LRRTM3: variants seen among roughly 807,000 people sequenced by gnomAD.
LRRTM3 encodes leucine rich repeat transmembrane neuronal 3, also known as leucine-rich repeat transmembrane neuronal protein 3.
Under a neutral mutation model 44.7 loss-of-function variants are expected in LRRTM3, and 24 were observed. The ratio of observed to expected loss-of-function variants is 0.54; its 90% confidence interval spans 0.39 to 0.76. The LOEUF (loss-of-function observed/expected upper bound fraction) is 0.76, where lower values mean the gene tolerates loss of function less well. Ranked by LOEUF, LRRTM3 falls within the 30% of genes least tolerant of loss-of-function variation. The pLI is 0.00. For synonymous variants in LRRTM3, 277 were observed against 278.7 expected (o/e 0.99, Z 0.06); for missense variants, 587 against 702.2 (o/e 0.84, Z 1.85).
At chr10:67,074,552 A>G (rs933329373) in intron 2 of LRRTM3, among the ~76,000 whole-genome samples, 21 of 149,516 alleles carry the variant, frequency 1.4e-4, no homozygotes, top group African/African-American at 5.0e-4. Context: ...GGGTTTCACC[A>G]TGTTAGCCAG....
chr10:66,927,006 C>T lies in LRRTM3; in HGVS notation c.90C>T (p.Ala30=), dbSNP rs914562544. 1 of 1,614,018 alleles carries T rather than the reference C, an allele frequency of 6.2e-7. No homozygotes were observed. Among genetic ancestry groups the T allele is most frequent in the East Asian group, 2.2e-5 (1 of 44,866 alleles). ...PTVLLTMLSS[A]ERGCPKGCRC... ...TCTTACTGACAATGCTTTCTTCTGC[C>T]GAACGAGGATGCCCTAAGGGCTGTA... Residue 30 remains alanine, a synonymous_variant, in exon 2 of 3, where the codon GCC becomes GCT. Coordinates refer to ENST00000361320, the MANE Select transcript of LRRTM3 (RefSeq NM_178011.5). The surrounding 1 kb of genome is among the most constrained non-coding windows in gnomAD (Gnocchi z 4.7).
chr10:66,931,817 T>C (rs1177443889), intron 2 of LRRTM3, among the ~76,000 whole-genome samples: 1 of 152,128 alleles, frequency 6.6e-6, no homozygotes, highest in Non-Finnish European at 1.5e-5. Context: ...AAGCGAGTAA[T>C]AACGCAATAA....
chr10:67,051,059 G>A (rs1264905665), intron 2 of LRRTM3, among the ~76,000 whole-genome samples: 1 of 152,044 alleles, frequency 6.6e-6, no homozygotes, highest in Non-Finnish European at 1.5e-5. Context: ...TTACAATATG[G>A]GAAGATAAAA....
Position 67,072,244 on chromosome 10 carries a change from A to G in LRRTM3, c.1537-25343A>G, listed in dbSNP as rs1418715865. Among the ~76,000 whole-genome samples, 16 of 152,284 alleles carry G rather than the reference A, an allele frequency of 1.1e-4. No homozygotes were observed. The South Asian group carries it at 3.1e-3, about 30-fold the overall frequency. ...GCTGGGATTATAGGCATAAGCCACC[A>G]TGCCCAACCTGTTTGATTATTTTCT... is the stretch of plus-strand genomic sequence containing the variant. On this transcript the variant is annotated intron_variant, in intron 2 of 2. Coordinates refer to ENST00000361320, the MANE Select transcript of LRRTM3 (RefSeq NM_178011.5).
intron 2 of LRRTM3, among the ~76,000 whole-genome samples, chr10:66,952,821 A>G (rs1214042402): frequency 2.0e-5 from 3 of 151,920 alleles, no homozygotes; most frequent in Admixed American, 6.6e-5. Context: ...CTTGTAATTT[A>G]TTATATAATT....
chr10:66,934,756 A>G (rs1847595882), intron 2 of LRRTM3, among the ~76,000 whole-genome samples: 1 of 152,182 alleles, frequency 6.6e-6, no homozygotes, highest in African/African-American at 2.4e-5. Flanking sequence ...GGTAAAATAT[A>G]GTTTTTTTGG....
At chr10:66,948,373 G>A (rs1848379422) in intron 2 of LRRTM3, among the ~76,000 whole-genome samples, 2 of 152,136 alleles carry the variant, frequency 1.3e-5, no homozygotes, top group Non-Finnish European at 2.9e-5. Context: ...AGAATGTCTA[G>A]GAAATATCTA....
At chr10:66,987,397 T>G (rs1850790005) in intron 2 of LRRTM3, among the ~76,000 whole-genome samples, 2 of 152,164 alleles carry the variant, frequency 1.3e-5, no homozygotes, top group African/African-American at 2.4e-5. Flanking sequence ...GTGAAATGAT[T>G]TCTTGATGAT....
intron 2 of LRRTM3, among the ~76,000 whole-genome samples, chr10:66,940,686 C>T (rs181753729): frequency 1.3e-5 from 2 of 152,246 alleles, no homozygotes; most frequent in Admixed American, 6.5e-5. Context: ...ACATTCAACT[C>T]AGTTTTAAGA....
At chr10:67,030,959 G>A (rs1482999385) in intron 2 of LRRTM3, among the ~76,000 whole-genome samples, 2 of 152,122 alleles carry the variant, frequency 1.3e-5, no homozygotes, top group Non-Finnish European at 2.9e-5. Flanking sequence ...AGCCGAGATT[G>A]CATCGCTGCA....
At chr10:66,933,153 G>A (rs1241235993) in intron 2 of LRRTM3, among the ~76,000 whole-genome samples, 1 of 152,188 alleles carries the variant, frequency 6.6e-6, no homozygotes, top group African/African-American at 2.4e-5. Context: ...TGTTTGGCAT[G>A]AGCCAAAAAG....
intron 2 of LRRTM3, among the ~76,000 whole-genome samples, chr10:66,986,146 C>T (rs561022756): frequency 6.6e-6 from 1 of 152,092 alleles, no homozygotes; most frequent in Admixed American, 6.6e-5. Context: ...ATCAGTATGT[C>T]CCAGAGATTA....
rs577032131 is a variant in LRRTM3, at chr10:67,054,962, T to C, written c.1537-42625T>C. The C allele has an allele frequency of 4.6e-5, 7 of 152,238 alleles. 1 individual carries two copies. The highest frequency in any genetic ancestry group is 1.7e-4 in the African/African-American group (7 of 41,554). The allele number at this position is 152,238 out of a possible 1,614,324, so 9.4% of individuals were successfully genotyped here. On this transcript the variant is annotated intron_variant, in intron 2 of 2. Transcript: ENST00000361320. ...AACATATATGCCAACCCCCTTAGTT[T>C]ATACAATAACTTTCCTCCAAAAATC...
intron 2 of LRRTM3, among the ~76,000 whole-genome samples, chr10:66,940,475 T>C (rs1381346207): frequency 6.6e-6 from 1 of 152,118 alleles, no homozygotes; most frequent in African/African-American, 2.4e-5. Context: ...TCATGTCTCT[T>C]AAAAAATATA....
At chr10:66,992,492 T>C (rs2132940699) in intron 2 of LRRTM3, among the ~76,000 whole-genome samples, 1 of 152,182 alleles carries the variant, frequency 6.6e-6, no homozygotes, top group African/African-American at 2.4e-5. Flanking sequence ...AGTTCTAGTT[T>C]TATGCATTAC....
chr10:67,009,664 T>C (rs1272180176), intron 2 of LRRTM3, among the ~76,000 whole-genome samples: 1 of 152,146 alleles, frequency 6.6e-6, no homozygotes, highest in African/African-American at 2.4e-5. Flanking sequence ...TGTTGTGTTA[T>C]TATCTCTTTA....
intron 2 of LRRTM3, among the ~76,000 whole-genome samples, chr10:66,961,529 AC>A (rs1343358248): frequency 6.6e-6 from 1 of 151,404 alleles, no homozygotes; most frequent in African/African-American, 2.4e-5. Context: ...CATCTTACCA[AC>A]CTCTTAATGT....
chr10:67,090,462 C>G (rs566549015), intron 2 of LRRTM3, among the ~76,000 whole-genome samples: 1 of 152,032 alleles, frequency 6.6e-6, no homozygotes, highest in Non-Finnish European at 1.5e-5. Context: ...TTGTGTTCAC[C>G]TCTCTAGGTT....
At chr10:66,980,124 T>A (rs1333842376) in intron 2 of LRRTM3, among the ~76,000 whole-genome samples, 1 of 152,192 alleles carries the variant, frequency 6.6e-6, no homozygotes, top group East Asian at 1.9e-4. Context: ...CAAATTTGTT[T>A]CTATTTCATT....
Sources: allele counts gnomAD v4.1 joint callset (sites outside exome capture counted in the v4.1 genomes callset), GRCh38; gene constraint gnomAD v4.1.1; non-coding constraint Gnocchi (gnomAD v3.1); transcripts MANE v1.5; gene names NCBI Gene and HGNC (gene_info 2026-07-23, HGNC 2026-07-21).